EFNA5: variants seen among roughly 807,000 people sequenced by gnomAD.
The protein encoded by EFNA5 is ephrin-A5.
A neutral mutation model predicts 22.9 loss-of-function variants in EFNA5; 5 were observed. That is an observed-to-expected ratio of 0.22 (90% CI 0.11 to 0.46). The LOEUF (loss-of-function observed/expected upper bound fraction) is 0.46. EFNA5 is among the 20% of genes least tolerant of loss of function. EFNA5 has a pLI of 0.99. For missense variants in EFNA5, 237 were observed against 293.3 expected (o/e 0.81, Z 1.40); for synonymous variants, 113 against 112.2 (o/e 1.01, Z -0.04).
chr5:107,585,485 T>C lies in EFNA5; in HGVS notation c.125+85004A>G, dbSNP rs1467023983. On this transcript the variant is annotated intron_variant, in intron 1 of 4. Coordinates refer to ENST00000333274, the MANE Select transcript of EFNA5 (RefSeq NM_001962.3). ...GGGAATGATAGCTCAGTGACAGTAC[T>C]GATAAATTCTAAACAATATTAGGCC... Among the ~76,000 whole-genome samples, 2 of 152,182 alleles carry C rather than the reference T, an allele frequency of 1.3e-5. 1 individual carries two copies. The highest frequency in any genetic ancestry group is 4.1e-4 in the South Asian group (2 of 4,836).
rs572273160 is a variant in EFNA5, at chr5:107,404,460, A to C, written c.419-16689T>G. The stretch of plus-strand genomic sequence containing the variant: ...GGAAGCAAACATCATCTCAGGATGT[A>C]CAATACTATTAATATTTTTATAACA... On this transcript the variant is annotated intron_variant, in intron 2 of 4. Coordinates refer to ENST00000333274, the MANE Select transcript of EFNA5 (RefSeq NM_001962.3). Among the ~76,000 whole-genome samples, 16 of 152,344 alleles carry C rather than the reference A, an allele frequency of 1.1e-4. No individual in the cohort carries two copies. In the East Asian group the frequency reaches 3.1e-3, roughly 29 times the overall value.
At chr5:107,633,634 G>A (rs916435468) in intron 1 of EFNA5, among the ~76,000 whole-genome samples, 6 of 152,170 alleles carry the variant, frequency 3.9e-5, no homozygotes, top group African/African-American at 7.2e-5. Context: ...AAACACCTGC[G>A]TGCCATGTTC....
intron 1 of EFNA5, among the ~76,000 whole-genome samples, chr5:107,637,025 T>C (rs1229022763): frequency 6.6e-6 from 1 of 152,218 alleles, no homozygotes; most frequent in Non-Finnish European, 1.5e-5. Flanking sequence ...TTTTGTTTAT[T>C]TAATTTTATT....
chr5:107,481,141 C>G (rs2112399125), intron 1 of EFNA5, among the ~76,000 whole-genome samples: 1 of 152,274 alleles, frequency 6.6e-6, no homozygotes, highest in East Asian at 1.9e-4. Context: ...CTCCTGCTGA[C>G]AGGCAAAAGC....
intron 1 of EFNA5, among the ~76,000 whole-genome samples, chr5:107,522,057 T>G (rs1747610260): frequency 6.6e-6 from 1 of 152,176 alleles, no homozygotes; most frequent in South Asian, 2.1e-4. Context: ...CAATATTATA[T>G]AGCAACGGTC....
chr5:107,626,635 T>C (rs1750147126), intron 1 of EFNA5, among the ~76,000 whole-genome samples: 1 of 152,136 alleles, frequency 6.6e-6, no homozygotes, highest in Non-Finnish European at 1.5e-5. Flanking sequence ...GACAGAAGCC[T>C]TGTTGGACCT....
chr5:107,391,075 C>T lies in EFNA5; in HGVS notation c.419-3304G>A, dbSNP rs1394651278. Among the ~76,000 whole-genome samples the T allele has an allele frequency of 2.6e-5, 4 of 152,192 alleles. No homozygotes were observed. In the East Asian group the frequency reaches 7.7e-4, roughly 29 times the overall value. On this transcript the variant is annotated intron_variant, in intron 2 of 4. Transcript: ENST00000333274. ...TCGGGAGGCTAATGCATGAGAATTGCTTGAGCCCAGGAGGCAGAGGTTGCA... is the reference window on the plus strand; with the variant it reads ...TCGGGAGGCTAATGCATGAGAATTGTTTGAGCCCAGGAGGCAGAGGTTGCA...
intron 1 of EFNA5, among the ~76,000 whole-genome samples, chr5:107,565,062 G>C (rs1380238428): frequency 6.6e-6 from 1 of 152,126 alleles, no homozygotes; most frequent in Non-Finnish European, 1.5e-5. Flanking sequence ...AAGCCATAAA[G>C]AAAGTCCACG....
At chr5:107,394,018 A>G (rs1747854506) in intron 2 of EFNA5, among the ~76,000 whole-genome samples, 1 of 152,264 alleles carries the variant, frequency 6.6e-6, no homozygotes, top group African/African-American at 2.4e-5. Context: ...TTCTTAGGGA[A>G]GAATACTAAA....
At chr5:107,510,559 T>G (rs1747348699) in intron 1 of EFNA5, among the ~76,000 whole-genome samples, 2 of 152,170 alleles carry the variant, frequency 1.3e-5, no homozygotes, top group Non-Finnish European at 2.9e-5. Flanking sequence ...CTGGACCCCT[T>G]TCTGGTAATA....
At chr5:107,474,760 C>T (rs1750233982) in intron 1 of EFNA5, among the ~76,000 whole-genome samples, 1 of 152,040 alleles carries the variant, frequency 6.6e-6, no homozygotes. Flanking sequence ...CAAGAGGCCA[C>T]CATGTTCCAG....
chr5:107,539,039 T>C (rs563808428), intron 1 of EFNA5, among the ~76,000 whole-genome samples: 35 of 152,356 alleles, frequency 2.3e-4, no homozygotes, highest in South Asian at 4.1e-4. Flanking sequence ...ACTGGTACAC[T>C]AATGAAAAGG....
intron 1 of EFNA5, among the ~76,000 whole-genome samples, chr5:107,668,585 T>C (rs1751120631): frequency 6.6e-6 from 1 of 152,126 alleles, no homozygotes; most frequent in Admixed American, 6.5e-5. Context: ...GAGAAAAAGA[T>C]CACAATGTGG....
intron 1 of EFNA5, among the ~76,000 whole-genome samples, chr5:107,630,168 T>G (rs1053157577): frequency 6.6e-6 from 1 of 152,162 alleles, no homozygotes; most frequent in Non-Finnish European, 1.5e-5. Context: ...ATTCTTCCAA[T>G]GTGGCCAGGG....
chr5:107,503,010 G>A (rs991996191), intron 1 of EFNA5, among the ~76,000 whole-genome samples: 1 of 152,136 alleles, frequency 6.6e-6, no homozygotes. Context: ...GCTTTTGCCC[G>A]AGTCTGAAAT....
At chr5:107,432,913 T>C (rs1749001892) in intron 1 of EFNA5, among the ~76,000 whole-genome samples, 2 of 152,254 alleles carry the variant, frequency 1.3e-5, no homozygotes. Flanking sequence ...AAGACAAGGA[T>C]GAAGACCTTT....
intron 1 of EFNA5, among the ~76,000 whole-genome samples, chr5:107,538,017 C>A (rs1006926692): frequency 2.6e-5 from 4 of 152,080 alleles, no homozygotes; most frequent in African/African-American, 9.7e-5. Context: ...GTGGGGAAGG[C>A]TATTTTATAG....
At chr5:107,547,660 A>G (rs1748196815) in intron 1 of EFNA5, among the ~76,000 whole-genome samples, 1 of 151,940 alleles carries the variant, frequency 6.6e-6, no homozygotes, top group Non-Finnish European at 1.5e-5. Flanking sequence ...GACATTAAGT[A>G]GATTATACAT....
intron 2 of EFNA5, among the ~76,000 whole-genome samples, chr5:107,399,972 C>T (rs890814254): frequency 2.0e-5 from 3 of 152,036 alleles, no homozygotes; most frequent in African/African-American, 7.2e-5. Flanking sequence ...GAAATTTTAG[C>T]AGTGATGAAA....
Sources: allele counts gnomAD v4.1 joint callset (sites outside exome capture counted in the v4.1 genomes callset), GRCh38; gene constraint gnomAD v4.1.1; transcripts MANE v1.5; gene names NCBI Gene and HGNC (gene_info 2026-07-23, HGNC 2026-07-21).